PACRG: variants seen among roughly 807,000 people sequenced by gnomAD.
PACRG encodes parkin coregulated.
Under a neutral mutation model 29.7 loss-of-function variants are expected in PACRG, and 29 were observed. The ratio of observed to expected loss-of-function variants is 0.98; its 90% CI spans 0.73 to 1.33. PACRG has a LOEUF of 1.33. Among genes scored for constraint, PACRG ranks in the 40% most tolerant of loss-of-function variants. The pLI is 0.00. For missense variants in PACRG, 279 were observed against 316.2 expected, an observed-to-expected ratio of 0.88 and a Z score of 0.89; for synonymous variants, 116 against 118.7, an observed-to-expected ratio of 0.98 and a Z score of 0.15.
intron 4 of PACRG, chr6:163,190,397 T>C (rs1195732774): frequency 6.6e-6 from 1 of 152,144 alleles, no homozygotes; most frequent in African/African-American, 2.4e-5. Flanking sequence ...AAAGTGAAAA[T>C]AGAGGTCGGC....
At chr6:162,985,121 G>A (rs1335501622) in intron 2 of PACRG, among the ~76,000 whole-genome samples, 2 of 151,884 alleles carry the variant, frequency 1.3e-5, no homozygotes, top group East Asian at 1.9e-4. Flanking sequence ...AATTCTATCC[G>A]ACATACAAAG....
chr6:162,866,170 A>G (rs751550272), intron 2 of PACRG, among the ~76,000 whole-genome samples: 4 of 152,210 alleles, frequency 2.6e-5, no homozygotes, highest in Non-Finnish European at 5.9e-5. Context: ...ATTCTAATTA[A>G]TCAAATGGAT....
intron 2 of PACRG, among the ~76,000 whole-genome samples, chr6:162,951,839 G>GTCT (rs1799677106): frequency 6.6e-6 from 1 of 152,154 alleles, no homozygotes; most frequent in Non-Finnish European, 1.5e-5. Context: ...TCTCGTTGTA[G>GTCT]TCTTACTGGG....
chr6:163,246,898 C>G (rs1468948556), intron 4 of PACRG, among the ~76,000 whole-genome samples: 1 of 152,198 alleles, frequency 6.6e-6, no homozygotes, highest in Non-Finnish European at 1.5e-5. Flanking sequence ...GTATACTGTG[C>G]TTTAACAGAA....
chr6:163,015,923 A>G (rs953868746), intron 2 of PACRG, among the ~76,000 whole-genome samples: 5 of 152,218 alleles, frequency 3.3e-5, no homozygotes, highest in African/African-American at 1.2e-4. Context: ...TAAAATCATA[A>G]TAAGTTTTTA....
At chr6:162,884,637 T>G (rs888015717) in intron 2 of PACRG, among the ~76,000 whole-genome samples, 4 of 152,206 alleles carry the variant, frequency 2.6e-5, no homozygotes, top group Admixed American at 2.0e-4. Context: ...ACAAGCAGTA[T>G]GTGGAGTAAA....
chr6:162,799,413 T>C (rs567405273), intron 1 of PACRG, among the ~76,000 whole-genome samples: 207 of 152,296 alleles, frequency 1.4e-3, no homozygotes, highest in African/African-American at 4.6e-3. Flanking sequence ...CCTAGGTTGA[T>C]AGGACTCCAA....
At position 163,168,652 on chromosome 6, in the gene PACRG, C is replaced by T. The variant is rs902605593; in HGVS notation, c.613+79244C>T. Among the ~76,000 whole-genome samples, 15 of 152,294 alleles carry T rather than the reference C, an allele frequency of 9.8e-5. No individual in the cohort carries two copies. In the East Asian group the frequency reaches 2.9e-3, roughly 29 times the overall value. On this transcript the variant is annotated intron_variant, in intron 4 of 4. Coordinates refer to ENST00000366888, the MANE Select transcript of PACRG (RefSeq NM_001080379.2). Reference sequence around the variant, plus strand: ...AACTGTATGTAATTCATTATTATATCTATGTCTGAGACTGAGTGTGGGTTT... The same window carrying T: ...AACTGTATGTAATTCATTATTATATTTATGTCTGAGACTGAGTGTGGGTTT...
chr6:162,986,736 T>C (rs1214033569), intron 2 of PACRG, among the ~76,000 whole-genome samples: 1 of 152,168 alleles, frequency 6.6e-6, no homozygotes, highest in Admixed American at 6.5e-5. Flanking sequence ...TCTTTGTTTT[T>C]GTCTGATTGG....
At chr6:163,108,647 T>C (rs1585224367) in intron 4 of PACRG, among the ~76,000 whole-genome samples, 1 of 151,886 alleles carries the variant, frequency 6.6e-6, no homozygotes, top group African/African-American at 2.4e-5. Context: ...CCTCAACCTC[T>C]CAAAGTGCTG....
At chr6:162,797,294 A>G (rs1297659383) in intron 1 of PACRG, among the ~76,000 whole-genome samples, 2 of 152,128 alleles carry the variant, frequency 1.3e-5, no homozygotes, top group Non-Finnish European at 2.9e-5. Flanking sequence ...AAAAAAAACA[A>G]CAACAACAGA....
intron 4 of PACRG, among the ~76,000 whole-genome samples, chr6:163,278,256 T>C (rs147673347): frequency 2.0e-5 from 3 of 152,278 alleles, no homozygotes; most frequent in Non-Finnish European, 4.4e-5. Context: ...CAGGTGTATA[T>C]AGTGTGAAGA....
chr6:163,054,031 T>C (rs1322526421), intron 2 of PACRG: 1 of 151,760 alleles, frequency 6.6e-6, no homozygotes, highest in Non-Finnish European at 1.5e-5. Context: ...TCAAACAGGG[T>C]GATAGACAAT....
At chr6:163,031,926 T>G (rs1807705062) in intron 2 of PACRG, among the ~76,000 whole-genome samples, 1 of 152,224 alleles carries the variant, frequency 6.6e-6, no homozygotes, top group Admixed American at 6.5e-5. Context: ...GCTCTACAAG[T>G]CAAGTTTGAC....
chr6:162,897,537 A>G (rs990969361), intron 2 of PACRG, among the ~76,000 whole-genome samples: 2 of 152,224 alleles, frequency 1.3e-5, no homozygotes, highest in Admixed American at 6.5e-5. Context: ...ATGAATGTGT[A>G]TACGTAAGAA....
intron 2 of PACRG, among the ~76,000 whole-genome samples, chr6:163,006,406 T>G (rs895235224): frequency 4.6e-5 from 7 of 151,438 alleles, no homozygotes. Context: ...TGGGTTATAG[T>G]GTTCTATAAA....
At chr6:162,771,007 G>T (rs1007541074) in intron 1 of PACRG, among the ~76,000 whole-genome samples, 1 of 151,894 alleles carries the variant, frequency 6.6e-6, no homozygotes, top group Non-Finnish European at 1.5e-5. Context: ...TATAATCAGG[G>T]CACTTTTTCA....
chr6:162,986,011 A>G (rs543876462), intron 2 of PACRG, among the ~76,000 whole-genome samples: 2 of 152,210 alleles, frequency 1.3e-5, no homozygotes, highest in East Asian at 1.9e-4. Context: ...AACCAAGGAT[A>G]TAAAAAACCT....
chr6:162,835,443 A>G (rs1789139468), intron 2 of PACRG, among the ~76,000 whole-genome samples: 1 of 152,156 alleles, frequency 6.6e-6, no homozygotes, highest in African/African-American at 2.4e-5. Flanking sequence ...TCATTGGAAC[A>G]TGCTAGGAAA....
Sources: allele counts gnomAD v4.1 joint callset (sites outside exome capture counted in the v4.1 genomes callset), GRCh38; gene constraint gnomAD v4.1.1; transcripts MANE v1.5; gene names NCBI Gene and HGNC (gene_info 2026-07-23, HGNC 2026-07-21).